The following DRC10 variants were observed in gnomAD, a reference collection of about 807,000 sequenced individuals.
DRC10 encodes dynein regulatory complex subunit 10.
chr12:113,195,764 G>A, the DRC10 span: 111 of 1,613,802 alleles, frequency 6.9e-5, no homozygotes, highest in African/African-American at 1.3e-3. Flanking sequence ...TCCTTTTCTT[G>A]GAGTTGATCT....
At chr12:113,218,857 A>G in the DRC10 span, among the ~76,000 whole-genome samples, 1 of 152,198 alleles carries the variant, frequency 6.6e-6, no homozygotes, top group Non-Finnish European at 1.5e-5. Flanking sequence ...AGGAAATATC[A>G]TGAGTTATTT....
chr12:113,212,578 G>A, the DRC10 span, among the ~76,000 whole-genome samples: 1 of 152,184 alleles, frequency 6.6e-6, no homozygotes, highest in Non-Finnish European at 1.5e-5. Flanking sequence ...GAAACGCAAC[G>A]TTACATGAAA....
chr12:113,210,312 T>C, the DRC10 span, among the ~76,000 whole-genome samples: 1 of 152,168 alleles, frequency 6.6e-6, no homozygotes, highest in East Asian at 1.9e-4. Context: ...CTCCAGAGCT[T>C]GGGCTTCCTC....
chr12:113,213,176 TAAAAAAAAAAAAAAA>T, the DRC10 span, among the ~76,000 whole-genome samples: 1 of 63,572 alleles, frequency 1.6e-5, no homozygotes, highest in Non-Finnish European at 2.9e-5. Flanking sequence ...CAGAGGGTGC[TAAAAAAAAAAAAAAA>T]AAAAAAAAAA....
At chr12:113,213,429 G>A in the DRC10 span, among the ~76,000 whole-genome samples, 1 of 152,124 alleles carries the variant, frequency 6.6e-6, no homozygotes, top group Non-Finnish European at 1.5e-5. Context: ...TTTAACATTA[G>A]CTAAGTAAGT....
the DRC10 span, among the ~76,000 whole-genome samples, chr12:113,220,298 C>T: frequency 9.9e-5 from 15 of 152,218 alleles, no homozygotes; most frequent in African/African-American, 2.6e-4. Flanking sequence ...CTCTGTTGCC[C>T]GGGCTGGAGT....
the DRC10 span, among the ~76,000 whole-genome samples, chr12:113,210,686 C>A: frequency 2.1e-5 from 3 of 145,666 alleles, no homozygotes; most frequent in Non-Finnish European, 3.0e-5. Context: ...CAGATGGACA[C>A]CCCCCATAAC....
chr12:113,218,295 C>T, the DRC10 span, among the ~76,000 whole-genome samples: 33 of 150,434 alleles, frequency 2.2e-4, no homozygotes, highest in Middle Eastern at 6.8e-3. Context: ...CGCCACCACG[C>T]GCAGCTAATT....
the DRC10 span, chr12:113,208,089 T>C: frequency 1.9e-6 from 3 of 1,614,236 alleles, no homozygotes; most frequent in Non-Finnish European, 2.5e-6. Flanking sequence ...GCCTTTTAGA[T>C]GGGTCTGTCT....
At chr12:113,195,775 C>T in the DRC10 span, 1 of 1,613,946 alleles carries the variant, frequency 6.2e-7, no homozygotes. Flanking sequence ...GAGTTGATCT[C>T]CCGCTCTTCC....
the DRC10 span, chr12:113,200,538 CCA>C: frequency 7.5e-7 from 1 of 1,326,170 alleles, no homozygotes; most frequent in Non-Finnish European, 1.0e-6. Context: ...ATCCCCCCCA[CCA>C]GGGGCCCCCT....
At chr12:113,198,194 G>A in the DRC10 span, among the ~76,000 whole-genome samples, 1 of 152,140 alleles carries the variant, frequency 6.6e-6, no homozygotes, top group African/African-American at 2.4e-5. Flanking sequence ...TCCAGCCTGG[G>A]TGACAGAGCA....
chr12:113,219,361 C>T, the DRC10 span, among the ~76,000 whole-genome samples: 3 of 152,130 alleles, frequency 2.0e-5, no homozygotes, highest in African/African-American at 7.2e-5. Flanking sequence ...AAGAAACTGC[C>T]AACTATATTT....
At chr12:113,214,507 C>CAAAAAAAAA in the DRC10 span, among the ~76,000 whole-genome samples, 2 of 50,276 alleles carry the variant, frequency 4.0e-5, no homozygotes, top group Non-Finnish European at 8.4e-5. Flanking sequence ...GACTCCGTCT[C>CAAAAAAAAA]AAAAAAAAAA....
chr12:113,197,627 A>G, the DRC10 span: 1 of 1,482,936 alleles, frequency 6.7e-7, no homozygotes, highest in Non-Finnish European at 9.1e-7. Flanking sequence ...AAAAGATCCA[A>G]TTTGTCATTG....
chr12:113,219,703 C>T, the DRC10 span, among the ~76,000 whole-genome samples: 1 of 151,686 alleles, frequency 6.6e-6, no homozygotes, highest in African/African-American at 2.4e-5. Flanking sequence ...CAGGGTTTTT[C>T]GCTCTGTCGC....
the DRC10 span, among the ~76,000 whole-genome samples, chr12:113,213,087 A>AT: frequency 1.3e-5 from 2 of 148,586 alleles, no homozygotes; most frequent in Non-Finnish European, 3.0e-5. Flanking sequence ...TAAATTATAT[A>AT]TTTTTTCCCC....
At chr12:113,215,228 T>C in the DRC10 span, among the ~76,000 whole-genome samples, 1 of 152,230 alleles carries the variant, frequency 6.6e-6, no homozygotes, top group Non-Finnish European at 1.5e-5. Context: ...TGGAATGCAA[T>C]TCCAGTGTCT....
At chr12:113,200,235 G>T in the DRC10 span, 2 of 429,118 alleles carry the variant, frequency 4.7e-6, no homozygotes, top group Non-Finnish European at 8.9e-6. Context: ...TCCTTTGCAG[G>T]GCACCCAGCC....
Sources: allele counts gnomAD v4.1 joint callset (sites outside exome capture counted in the v4.1 genomes callset), GRCh38; gene constraint gnomAD v4.1.1; transcripts MANE v1.5; gene names NCBI Gene and HGNC (gene_info 2026-07-23, HGNC 2026-07-21).